FGF1: variants seen among roughly 807,000 people sequenced by gnomAD.
The protein encoded by FGF1 is fibroblast growth factor 1, also known as beta-endothelial cell growth factor.
Under a neutral mutation model 13.4 loss-of-function variants are expected in FGF1, and 9 were observed. That is an observed-to-expected ratio of 0.67 (90% CI 0.40 to 1.17). The LOEUF (loss-of-function observed/expected upper bound fraction) is 1.17, where lower values mean the gene tolerates loss of function less well. Ranked by LOEUF, FGF1 falls within the 50% of genes most tolerant of loss-of-function variation. FGF1 has a pLI of 0.01. For synonymous variants in FGF1, 93 were observed against 79.0 expected, an observed-to-expected ratio of 1.18 and a Z score of -0.94; for missense variants, 156 against 192.7, an observed-to-expected ratio of 0.81 and a Z score of 1.13.
At chr5:142,596,276 T>G (rs1172616082) in intron 3 of FGF1, among the ~76,000 whole-genome samples, 1 of 150,940 alleles carries the variant, frequency 6.6e-6, no homozygotes, top group African/African-American at 2.4e-5. Context: ...TTGAGGCCAG[T>G]CTGGGCAACA....
intron 2 of FGF1, among the ~76,000 whole-genome samples, chr5:142,602,556 T>C (rs1756802761): frequency 6.6e-6 from 1 of 152,182 alleles, no homozygotes; most frequent in Admixed American, 6.5e-5. Flanking sequence ...GTGAAAAGCT[T>C]CGTTCTGGAG....
chr5:142,595,569 G>A (rs1755089151), intron 3 of FGF1, 85 bp from the exon 4 acceptor site: 1 of 1,127,172 alleles, frequency 8.9e-7, no homozygotes, highest in African/African-American at 1.6e-5. Context: ...TGTGACATTG[G>A]GCAAAATACT....
chr5:142,683,462 C>T (rs571472760), intron 1 of FGF1, among the ~76,000 whole-genome samples: 29 of 152,156 alleles, frequency 1.9e-4, no homozygotes, highest in Middle Eastern at 3.4e-3. Context: ...CCAGGTAGCC[C>T]GATATTTTGA....
chr5:142,661,983 G>T (rs1288313439), intron 1 of FGF1, among the ~76,000 whole-genome samples: 1 of 151,954 alleles, frequency 6.6e-6, no homozygotes, highest in Non-Finnish European at 1.5e-5. Flanking sequence ...CTGGGCGACA[G>T]AGCAAGACTG....
chr5:142,595,310 G>T lies in FGF1; in HGVS notation c.448C>A (p.Leu150Met), dbSNP rs764725960. The stretch of plus-strand genomic sequence containing the variant: ...TCTCTTTAATCAGAAGAGACTGGCA[G>T]GGGGAGAAACAAGATTGCTTTCTGG... ...YGQKAILFLP[L>M]PVSSD The change falls in exon 4 of 4, where the codon CTG becomes ATG. Residue 150 changes from leucine to methionine, a missense_variant. Physicochemically the swap from Leu to Met is conservative, Grantham distance 15 (BLOSUM62 2). Coordinates refer to ENST00000337706, the MANE Select transcript of FGF1 (RefSeq NM_000800.5). 1.2e-6 allele frequency: 2 copies of T among 1,613,934 alleles called. No homozygotes were observed. The highest frequency in any genetic ancestry group is 3.3e-5 in the Admixed American group (2 of 60,018).
intron 1 of FGF1, among the ~76,000 whole-genome samples, chr5:142,649,871 T>C (rs1199503693): frequency 6.6e-6 from 1 of 152,254 alleles, no homozygotes; most frequent in African/African-American, 2.4e-5. Context: ...AACAATTTTC[T>C]TTAAAAACCC....
At chr5:142,639,084 G>A (rs539977525) in intron 1 of FGF1, among the ~76,000 whole-genome samples, 1 of 152,040 alleles carries the variant, frequency 6.6e-6, no homozygotes, top group South Asian at 2.1e-4. Context: ...ATAAAAATTG[G>A]TACAGCCATT....
chr5:142,615,514 G>A (rs1454627966), intron 1 of FGF1, among the ~76,000 whole-genome samples: 2 of 152,322 alleles, frequency 1.3e-5, no homozygotes, highest in East Asian at 1.9e-4. Flanking sequence ...AAGCCACCGC[G>A]CCCGGCCTGG....
intron 1 of FGF1, among the ~76,000 whole-genome samples, chr5:142,629,893 A>ATT (rs1229121020): frequency 0.17 from 20,530 of 119,554 alleles, 2,004 homozygotes; most frequent in Non-Finnish European, 0.25. Context: ...ATATATATAT[A>ATT]TATTTTTTTT....
chr5:142,653,137 A>T (rs1272199045), intron 1 of FGF1, among the ~76,000 whole-genome samples: 1 of 152,138 alleles, frequency 6.6e-6, no homozygotes, highest in Non-Finnish European at 1.5e-5. Flanking sequence ...GTTTATGCTC[A>T]TTTCTGTGGC....
intron 1 of FGF1, among the ~76,000 whole-genome samples, chr5:142,641,195 G>A (rs1325560765): frequency 1.3e-5 from 2 of 151,932 alleles, no homozygotes; most frequent in Non-Finnish European, 2.9e-5. Flanking sequence ...AAAGAAGATC[G>A]GGCAATGAGG....
chr5:142,599,225 G>A (rs1755936332), intron 3 of FGF1, among the ~76,000 whole-genome samples: 1 of 152,148 alleles, frequency 6.6e-6, no homozygotes, highest in Admixed American at 6.5e-5. Context: ...ACTACCACTT[G>A]GAAGAACTAC....
At chr5:142,625,843 C>G (rs984852994) in intron 1 of FGF1, among the ~76,000 whole-genome samples, 1 of 152,202 alleles carries the variant, frequency 6.6e-6, no homozygotes, top group Non-Finnish European at 1.5e-5. Flanking sequence ...ATTCCTTTCT[C>G]GAAATCAGCC....
intron 1 of FGF1, among the ~76,000 whole-genome samples, chr5:142,645,562 G>A (rs1765885763): frequency 6.6e-6 from 1 of 152,134 alleles, no homozygotes; most frequent in African/African-American, 2.4e-5. Context: ...TCTGTAAAAT[G>A]AGTAAAATAA....
chr5:142,600,994 C>A, intron 2 of FGF1, 189 bp from the exon 3 acceptor site: 1 of 632,594 alleles, frequency 1.6e-6, no homozygotes. Context: ...GAAAGCTGTC[C>A]ATTGGGAATT....
At chr5:142,611,585 G>T (rs1019581997) in intron 2 of FGF1, among the ~76,000 whole-genome samples, 1 of 152,172 alleles carries the variant, frequency 6.6e-6, no homozygotes, top group Admixed American at 6.5e-5. Context: ...GTAGAAAGGG[G>T]CAGAGTAGGC....
intron 3 of FGF1, among the ~76,000 whole-genome samples, chr5:142,599,252 A>G (rs1199111804): frequency 6.6e-6 from 1 of 152,184 alleles, no homozygotes; most frequent in Non-Finnish European, 1.5e-5. Context: ...AAAATCCCCT[A>G]CTGCCAAACC....
intron 1 of FGF1, among the ~76,000 whole-genome samples, chr5:142,624,053 G>T (rs934059907): frequency 3.9e-5 from 6 of 152,128 alleles, no homozygotes; most frequent in Non-Finnish European, 8.8e-5. Context: ...CCGAGTAGCT[G>T]GGAATACAGG....
At chr5:142,671,775 C>T (rs1287255601) in intron 1 of FGF1, 2 of 152,238 alleles carry the variant, frequency 1.3e-5, no homozygotes, top group Non-Finnish European at 2.9e-5. Context: ...ACGTTCTGCA[C>T]ATTTGTTTCA....
Sources: allele counts gnomAD v4.1 joint callset (sites outside exome capture counted in the v4.1 genomes callset), GRCh38; gene constraint gnomAD v4.1.1; transcripts MANE v1.5; gene names NCBI Gene and HGNC (gene_info 2026-07-23, HGNC 2026-07-21).